EPHA4: variants seen among roughly 807,000 people sequenced by gnomAD.
The protein encoded by EPHA4 is ephrin type-A receptor 4.
A neutral mutation model predicts 108.3 loss-of-function variants in EPHA4; 19 were observed. The observed-to-expected ratio is 0.18, with a 90% CI of 0.12 to 0.26. The LOEUF (loss-of-function observed/expected upper bound fraction) is 0.26, where lower values mean the gene tolerates loss of function less well. EPHA4 is among the 10% of genes least tolerant of loss of function. EPHA4 has a pLI of 1.00. For missense variants in EPHA4, 917 were observed against 1,254.0 expected (o/e 0.73, Z 4.06); for synonymous variants, 449 against 455.5 (o/e 0.99, Z 0.18).
intron 3 of EPHA4, among the ~76,000 whole-genome samples, chr2:221,557,839 C>T (rs1015205866): frequency 6.6e-6 from 1 of 152,084 alleles, no homozygotes; most frequent in Non-Finnish European, 1.5e-5. Flanking sequence ...CCTAATGCTC[C>T]CCCCACTGAC....
intron 5 of EPHA4, among the ~76,000 whole-genome samples, chr2:221,469,451 G>C (rs1009735637): frequency 6.6e-6 from 1 of 152,168 alleles, no homozygotes; most frequent in Non-Finnish European, 1.5e-5. Flanking sequence ...GCTATTCTGA[G>C]TTATTAGAAA....
At chr2:221,547,179 G>A (rs1694022346) in intron 3 of EPHA4, among the ~76,000 whole-genome samples, 1 of 152,146 alleles carries the variant, frequency 6.6e-6, no homozygotes, top group African/African-American at 2.4e-5. Flanking sequence ...TTCCAAATAG[G>A]TTGGTTCATT....
intron 3 of EPHA4, among the ~76,000 whole-genome samples, chr2:221,503,147 C>T (rs1320976686): frequency 6.6e-6 from 1 of 152,202 alleles, no homozygotes; most frequent in African/African-American, 2.4e-5. Flanking sequence ...CAGTCAGTCG[C>T]AGTCGACAAA....
rs1689888749 is a variant in EPHA4 at position 221,425,961 on chromosome 2, T to G, written c.*67A>C. 1.7e-5 allele frequency: 23 copies of G among 1,322,096 alleles called. No homozygotes were observed. The South Asian group carries it at 2.5e-4, about 14-fold the overall frequency. The allele number at this position is 1,322,096 out of a possible 1,614,324, so 81.9% of individuals were successfully genotyped here. A position where few individuals can be genotyped will look rare whatever the true frequency, so the allele number is the denominator to read the frequency against. ...CGAAGACGAAGTAAAAAAAGTGCAG[T>G]TCTTCAATTAAAGTGCATGGATGAG... is the stretch of plus-strand genomic sequence containing the variant. On this transcript the variant is annotated 3_prime_UTR_variant, in exon 17 of 18. Coordinates refer to ENST00000281821, the MANE Select transcript of EPHA4 (RefSeq NM_004438.5).
rs1450389060 is a variant in EPHA4 at position 221,572,048 on chromosome 2, C to T, written c.91+110G>A. ...CCCCCTTCTCCCGAATCGGGACGCA[C>T]CATTCACACTGGGCTCCCCCCGCAC... On this transcript the variant is annotated intron_variant, in intron 1 of 17. Coordinates refer to ENST00000281821, the MANE Select transcript of EPHA4 (RefSeq NM_004438.5). The T allele has an allele frequency of 2.2e-5, 20 of 892,002 alleles. No individual in the cohort carries two copies. The Admixed American group carries it at 3.7e-4, about 16-fold the overall frequency. The allele number at this position is 892,002 out of a possible 1,614,324, so 55.3% of individuals were successfully genotyped here.
Position 221,456,020 on chromosome 2 carries a change from T to C in EPHA4, c.1604-362A>G, listed in dbSNP as rs115894918. Among the ~76,000 whole-genome samples, 252 of 152,310 alleles carry C rather than the reference T, an allele frequency of 1.7e-3. 2 individuals carry two copies. The highest frequency in any genetic ancestry group is 5.8e-3 in the African/African-American group (239 of 41,564). On this transcript the variant is annotated intron_variant, in intron 7 of 17. Transcript: ENST00000281821. ...AAATCTATCATCTTTTTATCAAACATGCCCAATTTGGGTTCATTGATTACC... is the reference window on the plus strand; with the variant it reads ...AAATCTATCATCTTTTTATCAAACACGCCCAATTTGGGTTCATTGATTACC...
At chr2:221,468,245 GC>G (rs1045119492) in intron 5 of EPHA4, among the ~76,000 whole-genome samples, 1 of 151,252 alleles carries the variant, frequency 6.6e-6, no homozygotes, top group Non-Finnish European at 1.5e-5. Flanking sequence ...AAAAAAAAAG[GC>G]CCCCCAAAAT....
intron 3 of EPHA4, among the ~76,000 whole-genome samples, chr2:221,527,318 T>A (rs1480229235): frequency 3.3e-5 from 5 of 152,164 alleles, no homozygotes; most frequent in Admixed American, 3.3e-4. Flanking sequence ...CACGTGCACA[T>A]ATTCACCTGC....
intron 1 of EPHA4, among the ~76,000 whole-genome samples, chr2:221,570,285 G>C (rs1456109351): frequency 2.0e-5 from 3 of 151,044 alleles, no homozygotes; most frequent in Admixed American, 2.0e-4. Flanking sequence ...GGCTCTCAGA[G>C]CCTTTTTGTC....
intron 3 of EPHA4, among the ~76,000 whole-genome samples, chr2:221,546,510 A>G (rs1384098593): frequency 6.7e-6 from 1 of 150,332 alleles, no homozygotes; most frequent in African/African-American, 2.4e-5. Context: ...TCTGATATTT[A>G]TTATATATTT....
intron 2 of EPHA4, among the ~76,000 whole-genome samples, 184 bp downstream of exon 2, chr2:221,568,534 T>A (rs1284676631): frequency 6.6e-6 from 1 of 152,176 alleles, no homozygotes; most frequent in East Asian, 1.9e-4. Context: ...TTCTAGTTCT[T>A]CCATGACAGA....
intron 3 of EPHA4, among the ~76,000 whole-genome samples, chr2:221,532,384 A>G (rs1277194701): frequency 1.3e-5 from 2 of 152,168 alleles, no homozygotes; most frequent in East Asian, 1.9e-4. Context: ...TAGCCTCCCA[A>G]ACTGCTGGGA....
At chr2:221,522,758 A>T (rs4131082) in intron 3 of EPHA4, among the ~76,000 whole-genome samples, 25 of 56,828 alleles carry the variant, frequency 4.4e-4, no homozygotes, top group African/African-American at 1.0e-3. Context: ...TATTATTATT[A>T]TTATTATTAT....
chr2:221,530,174 T>C (rs919954692), intron 3 of EPHA4, among the ~76,000 whole-genome samples: 2 of 151,990 alleles, frequency 1.3e-5, no homozygotes, highest in Non-Finnish European at 2.9e-5. Flanking sequence ...GCTTTTTTTT[T>C]TTTCTCTTAA....
At chr2:221,558,482 T>G (rs572907559) in intron 3 of EPHA4, among the ~76,000 whole-genome samples, 1 of 152,184 alleles carries the variant, frequency 6.6e-6, no homozygotes, top group East Asian at 1.9e-4. Flanking sequence ...AAAGTCAAAC[T>G]TATATCATGA....
At chr2:221,469,981 C>G (rs1050351508) in intron 5 of EPHA4, among the ~76,000 whole-genome samples, 3 of 152,160 alleles carry the variant, frequency 2.0e-5, no homozygotes, top group African/African-American at 7.2e-5. Flanking sequence ...GCATTGTTAC[C>G]AGCCACTGTC....
At chr2:221,481,373 A>G (rs549598080) in intron 5 of EPHA4, among the ~76,000 whole-genome samples, 3 of 150,276 alleles carry the variant, frequency 2.0e-5, no homozygotes, top group African/African-American at 4.9e-5. Flanking sequence ...ATCAACTATA[A>G]AAGTAGCTGC....
chr2:221,476,089 G>A (rs555508062), intron 5 of EPHA4, among the ~76,000 whole-genome samples: 13 of 152,186 alleles, frequency 8.5e-5, no homozygotes, highest in South Asian at 2.1e-4. Flanking sequence ...ATGTGGTGGC[G>A]CCCGCCTGTA....
intron 11 of EPHA4, chr2:221,437,363 C>G (rs1690272432): frequency 2.6e-6 from 1 of 389,956 alleles, no homozygotes; most frequent in Non-Finnish European, 4.6e-6. Flanking sequence ...AGGTCTTTAA[C>G]TAAAGTGGCC....
Sources: allele counts gnomAD v4.1 joint callset (sites outside exome capture counted in the v4.1 genomes callset), GRCh38; gene constraint gnomAD v4.1.1; transcripts MANE v1.5; gene names NCBI Gene and HGNC (gene_info 2026-07-23, HGNC 2026-07-21).